The following SCN11A variants were observed in gnomAD, a reference collection of about 807,000 sequenced individuals.
SCN11A encodes sodium voltage-gated channel alpha subunit 11.
Under a neutral mutation model 162.2 loss-of-function variants are expected in SCN11A, and 122 were observed. The observed-to-expected ratio is 0.75, with a 90% CI of 0.65 to 0.87. SCN11A has a LOEUF of 0.87. Among genes scored for constraint, SCN11A ranks in the 40% least tolerant of loss-of-function variants. SCN11A has a pLI of 0.00. For synonymous variants in SCN11A, 758 were observed against 751.5 expected (o/e 1.01, Z -0.14); for missense variants, 2,015 against 2,181.6 (o/e 0.92, Z 1.52).
At chr3:38,982,055 A>C (rs1424247148) in intron 2 of SCN11A, among the ~76,000 whole-genome samples, 3 of 152,030 alleles carry the variant, frequency 2.0e-5, no homozygotes, top group Admixed American at 6.6e-5. Context: ...AAAAACAAAA[A>C]CAGACAAACA....
chr3:39,002,888 A>C (rs962775597), intron 2 of SCN11A, among the ~76,000 whole-genome samples: 2 of 152,226 alleles, frequency 1.3e-5, no homozygotes, highest in African/African-American at 4.8e-5. Context: ...AGCTAAGTTC[A>C]GTCTAAATCA....
In SCN11A at chr3:38,908,977, G is replaced by A. The variant is rs772025971; in HGVS notation, c.1299+20C>T. 2.6e-5 allele frequency: 42 copies of A among 1,610,324 alleles called. No homozygotes were observed. Among genetic ancestry groups the A allele is most frequent in the Admixed American group, 5.0e-5 (3 of 59,958 alleles). On this transcript the variant is annotated intron_variant, in intron 13 of 29. Coordinates refer to ENST00000302328, the MANE Select transcript of SCN11A (RefSeq NM_001349253.2). ...TCCCCTCCCCAGAGCAGATCCCACT[G>A]TCTGACCCCATGTCCCTACCTCCTT...
At chr3:38,911,377 AT>A (rs952472423) in intron 11 of SCN11A, among the ~76,000 whole-genome samples, 1 of 152,212 alleles carries the variant, frequency 6.6e-6, no homozygotes, top group Admixed American at 6.5e-5. Flanking sequence ...GCTATTAAGA[AT>A]TCTTATGCCA....
At chr3:38,919,788 A>C (rs2125546973) in intron 11 of SCN11A, 147 bp downstream of exon 11, 1 of 625,436 alleles carries the variant, frequency 1.6e-6, no homozygotes, top group Non-Finnish European at 2.8e-6. Context: ...ATTTAATAAC[A>C]CAAGTCTAAA....
rs968366326 is a variant in SCN11A, at chr3:38,900,194, T to A, written c.1843-121A>T. ...AAGTATTCTCATGATTGACACACTA[T>A]ACCCTAAAGTCCATGCAATAGAAAT... On this transcript the variant is annotated intron_variant, in intron 16 of 29. Coordinates refer to ENST00000302328, the MANE Select transcript of SCN11A (RefSeq NM_001349253.2). The A allele has an allele frequency of 1.6e-4, 113 of 716,992 alleles. No homozygotes were observed. The East Asian group carries it at 1.8e-3, about 12-fold the overall frequency. 44.4% of individuals were successfully genotyped at this position (716,992 alleles called of 1,614,324 possible).
chr3:38,989,691 T>C (rs2030388102), intron 2 of SCN11A, among the ~76,000 whole-genome samples: 1 of 152,234 alleles, frequency 6.6e-6, no homozygotes, highest in South Asian at 2.1e-4. Context: ...ACTTAACTTC[T>C]CTGAACTTCA....
intron 2 of SCN11A, among the ~76,000 whole-genome samples, chr3:38,964,061 C>T (rs974346871): frequency 8.5e-5 from 13 of 152,196 alleles, no homozygotes; most frequent in African/African-American, 2.9e-4. Context: ...AGTTTGCATT[C>T]AGGACTTTTC....
At chr3:38,878,269 T>C (rs1485520537) in intron 23 of SCN11A, among the ~76,000 whole-genome samples, 4 of 152,060 alleles carry the variant, frequency 2.6e-5, no homozygotes, top group Non-Finnish European at 5.9e-5. Context: ...TTAATGGCGA[T>C]CACTAGATTT....
intron 7 of SCN11A, among the ~76,000 whole-genome samples, chr3:38,936,518 A>G (rs1359166071): frequency 6.6e-6 from 1 of 151,786 alleles, no homozygotes; most frequent in Non-Finnish European, 1.5e-5. Context: ...CAACTTCAGC[A>G]AAGTCTTCAG....
intron 19 of SCN11A, 30 bp downstream of exon 19, chr3:38,894,503 A>G (rs764219895): frequency 6.5e-7 from 1 of 1,535,490 alleles, no homozygotes; most frequent in South Asian, 1.3e-5. Flanking sequence ...GCTTTGTATG[A>G]CCTTTAAGTC....
chr3:38,981,487 A>G (rs2030040276), intron 2 of SCN11A, among the ~76,000 whole-genome samples: 1 of 151,828 alleles, frequency 6.6e-6, no homozygotes, highest in Admixed American at 6.6e-5. Context: ...TCCGGGGCCC[A>G]TCTTCCTGGT....
intron 2 of SCN11A, among the ~76,000 whole-genome samples, chr3:39,000,525 C>T (rs1367277917): frequency 6.6e-6 from 1 of 152,168 alleles, no homozygotes; most frequent in African/African-American, 2.4e-5. Flanking sequence ...TCCCCCCTCC[C>T]CAAACTTGTT....
intron 26 of SCN11A, among the ~76,000 whole-genome samples, chr3:38,867,780 C>G (rs932068523): frequency 6.6e-6 from 1 of 152,042 alleles, no homozygotes; most frequent in Non-Finnish European, 1.5e-5. Context: ...ATGGAATGTC[C>G]ATATGGGTAT....
At chr3:38,915,010 C>T (rs1051950621) in intron 11 of SCN11A, among the ~76,000 whole-genome samples, 5 of 151,964 alleles carry the variant, frequency 3.3e-5, no homozygotes. Context: ...GGGGAGGAGT[C>T]TCTGCTCCTC....
rs752526730 is a variant in SCN11A, at chr3:38,847,000, G to A, written c.5070C>T (p.Thr1690=). 17 of 1,613,938 alleles carry A rather than the reference G, an allele frequency of 1.1e-5. No homozygotes were observed. The highest frequency in any genetic ancestry group is 9.3e-5 in the African/African-American group (7 of 74,876). The change falls in exon 30 of 30, where the codon ACC becomes ACT. Residue 1690 remains threonine, a synonymous_variant. Transcript: ENST00000302328. Reference sequence around the variant, plus strand: ...CATCAGAGCCACCGAGTACCCTAGCGGTGAAGGCGAAAAGAATATCCATGC... The same window carrying A: ...CATCAGAGCCACCGAGTACCCTAGCAGTGAAGGCGAAAAGAATATCCATGC... ...LHCMDILFAF[T]ARVLGGSDGL... is the part of the protein sequence containing the mutation.
At chr3:38,910,287 T>C (rs766244365) in intron 11 of SCN11A, 80 bp from the exon 12 acceptor site, 57 of 1,454,828 alleles carry the variant, frequency 3.9e-5, no homozygotes, top group Non-Finnish European at 6.6e-6. Context: ...CTCTGGTTTT[T>C]CCAAGGGCTG....
chr3:39,040,816 C>T (rs148387807), intron 1 of SCN11A, among the ~76,000 whole-genome samples: 4,399 of 152,134 alleles, frequency 0.029, 211 homozygotes, highest in African/African-American at 0.1. Flanking sequence ...TGGTGGCTCA[C>T]GCCTGTAATC....
intron 2 of SCN11A, among the ~76,000 whole-genome samples, chr3:38,976,845 C>T (rs1263741237): frequency 6.6e-6 from 1 of 152,180 alleles, no homozygotes; most frequent in African/African-American, 2.4e-5. Flanking sequence ...CCTACCCAAA[C>T]CCAGTCAATA....
chr3:39,036,180 G>A (rs745968973), intron 1 of SCN11A, among the ~76,000 whole-genome samples: 2 of 151,936 alleles, frequency 1.3e-5, no homozygotes, highest in Admixed American at 1.3e-4. Context: ...GTCTCACTCC[G>A]TAGCCCAGGC....
Sources: gnomAD v4.1 joint callset for allele counts (sites outside exome capture counted in the v4.1 genomes callset) on GRCh38, gnomAD v4.1.1 for gene constraint, MANE v1.5 for transcripts, NCBI Gene and HGNC (gene_info 2026-07-23, HGNC 2026-07-21) for gene names.